PTBP3: variants seen among roughly 807,000 people sequenced by gnomAD.
The protein encoded by PTBP3 is polypyrimidine tract binding protein 3, also known as polypyrimidine tract-binding protein 3.
PTBP3 carries 20 observed loss-of-function variants against 58.7 expected under a neutral mutation model. The observed-to-expected ratio is 0.34, with a 90% CI of 0.24 to 0.50. The LOEUF (loss-of-function observed/expected upper bound fraction) is 0.50. Among genes scored for constraint, PTBP3 ranks in the 20% least tolerant of loss-of-function variants. The pLI, the probability that PTBP3 is intolerant of heterozygous loss-of-function variation, is 0.98. For synonymous variants in PTBP3, 185 were observed against 219.8 expected, an observed-to-expected ratio of 0.84 and a Z score of 1.40; for missense variants, 509 against 637.2, an observed-to-expected ratio of 0.80 and a Z score of 2.17.
intron 1 of PTBP3, among the ~76,000 whole-genome samples, chr9:112,310,821 A>AAG (rs1829443463): frequency 6.6e-6 from 1 of 152,214 alleles, no homozygotes; most frequent in Admixed American, 6.5e-5. Context: ...AGTAAGGAGT[A>AAG]AGCATGTAGA....
chr9:112,282,470 G>A (rs1459595951), intron 2 of PTBP3, among the ~76,000 whole-genome samples: 1 of 151,824 alleles, frequency 6.6e-6, no homozygotes, highest in African/African-American at 2.4e-5. Flanking sequence ...ATTCACTTTA[G>A]ACATTTTTTC....
At chr9:112,246,790 G>C (rs918875719) in intron 7 of PTBP3, among the ~76,000 whole-genome samples, 7 of 151,970 alleles carry the variant, frequency 4.6e-5, no homozygotes, top group Admixed American at 1.3e-4. Context: ...GGGAAGAATA[G>C]TAACATTACA....
chr9:112,318,938 A>G (rs1444898413), intron 1 of PTBP3, among the ~76,000 whole-genome samples: 2 of 151,112 alleles, frequency 1.3e-5, no homozygotes, highest in Non-Finnish European at 1.5e-5. Context: ...GACCAGCCTG[A>G]CCAACATGGA....
chr9:112,221,618 G>C lies in PTBP3; in HGVS notation c.*2233C>G. The C allele has an allele frequency of 6.1e-6, 6 of 985,128 alleles. No individual in the cohort carries two copies. The highest frequency in any genetic ancestry group is 7.2e-6 in the Non-Finnish European group (6 of 829,838). The allele number at this position is 985,128 out of a possible 1,614,324, so 61.0% of individuals were successfully genotyped here. A position where few individuals can be genotyped will look rare whatever the true frequency, so the allele number is the denominator to read the frequency against. On this transcript the variant is annotated 3_prime_UTR_variant, in exon 14 of 14. Coordinates refer to ENST00000374257, the MANE Select transcript of PTBP3 (RefSeq NM_001163788.4). ...TCCTTCATATACCCCTTGTGTCTAG[G>C]TCAAAACTTATTTCATAAGTAAAAA...
intron 7 of PTBP3, among the ~76,000 whole-genome samples, chr9:112,237,462 G>T (rs1835478555): frequency 6.6e-6 from 1 of 152,186 alleles, no homozygotes; most frequent in African/African-American, 2.4e-5. Context: ...TTTAACCCAT[G>T]AAATCAGTTT....
chr9:112,290,776 CAT>C (rs1828384588), intron 2 of PTBP3, among the ~76,000 whole-genome samples: 1 of 148,292 alleles, frequency 6.7e-6, no homozygotes, highest in Non-Finnish European at 1.5e-5. Flanking sequence ...ACTAAACTGA[CAT>C]ATTTCTGGTA....
the PTBP3 span, among the ~76,000 whole-genome samples, chr9:112,349,888 AAG>A: frequency 2.0e-5 from 3 of 149,202 alleles, no homozygotes; most frequent in Non-Finnish European, 4.4e-5. Context: ...AAAAAAAAAA[AAG>A]AATTCAGTTG....
At chr9:112,263,166 G>A (rs1350004297) in intron 4 of PTBP3, among the ~76,000 whole-genome samples, 3 of 152,202 alleles carry the variant, frequency 2.0e-5, no homozygotes, top group Admixed American at 1.3e-4. Context: ...AAACCAGCTT[G>A]AAGGGGCCTG....
chr9:112,349,017 G>C, the PTBP3 span, among the ~76,000 whole-genome samples: 1 of 152,124 alleles, frequency 6.6e-6, no homozygotes, highest in South Asian at 2.1e-4. Flanking sequence ...TCCTGTCACG[G>C]ACTTCCTAAA....
chr9:112,223,827 T>C lies in PTBP3; in HGVS notation c.*24A>G. 1 of 1,613,412 alleles carries C rather than the reference T, an allele frequency of 6.2e-7. No homozygotes were observed. Among genetic ancestry groups the C allele is most frequent in the Non-Finnish European group, 8.5e-7 (1 of 1,179,636 alleles). On this transcript the variant is annotated 3_prime_UTR_variant, in exon 14 of 14. Transcript: ENST00000374257. ...GTTTTACTGAAATTATGGTCCAGTT[T>C]TAGGAGAAAAATTCACAGAAAAGTC...
At chr9:112,266,333 T>G (rs1836798836) in intron 4 of PTBP3, among the ~76,000 whole-genome samples, 1 of 152,238 alleles carries the variant, frequency 6.6e-6, no homozygotes, top group African/African-American at 2.4e-5. Context: ...ATAAGTATTT[T>G]ACAAATTATC....
At chr9:112,244,914 G>C (rs1835817928) in intron 7 of PTBP3, among the ~76,000 whole-genome samples, 1 of 151,864 alleles carries the variant, frequency 6.6e-6, no homozygotes, top group South Asian at 2.1e-4. Context: ...TCTTGAAGAA[G>C]AACAAGATAA....
chr9:112,302,929 T>C (rs755653041), intron 1 of PTBP3, among the ~76,000 whole-genome samples: 4 of 152,208 alleles, frequency 2.6e-5, no homozygotes, highest in Non-Finnish European at 5.9e-5. Flanking sequence ...CATTTCAGTT[T>C]CAATTTGGGG....
At chr9:112,366,811 G>C in the PTBP3 span, among the ~76,000 whole-genome samples, 2 of 152,122 alleles carry the variant, frequency 1.3e-5, no homozygotes, top group Admixed American at 1.3e-4. Flanking sequence ...CAGAATGATA[G>C]ATCCACTGAC....
chr9:112,332,892 A>G (rs898169812), intron 1 of PTBP3: 3 of 1,601,982 alleles, frequency 1.9e-6, no homozygotes, highest in Non-Finnish European at 2.6e-6. Context: ...AACGTATCTC[A>G]CAGCACAAGT....
intron 1 of PTBP3, among the ~76,000 whole-genome samples, chr9:112,313,824 A>T (rs1829587771): frequency 6.6e-6 from 1 of 152,220 alleles, no homozygotes; most frequent in Admixed American, 6.5e-5. Flanking sequence ...TATCTTAAAC[A>T]TAGATAGATT....
Position 112,297,868 on chromosome 9 carries a change from TA to T in PTBP3, c.-4del. The T allele has an allele frequency of 6.2e-7, 1 of 1,608,630 alleles. No homozygotes were observed. Among genetic ancestry groups the T allele is most frequent in the Non-Finnish European group, 8.5e-7 (1 of 1,178,524 alleles). On this transcript the variant is annotated 5_prime_UTR_variant, in exon 2 of 14. Coordinates refer to ENST00000374257, the MANE Select transcript of PTBP3 (RefSeq NM_001163788.4). ...GTAGAAGGAGTAGAACTATTCATGG[TA>T]AAAGGTCCGTTAATGATGCCAGAAG... is the stretch of plus-strand genomic sequence containing the variant.
chr9:112,378,615 T>C, the PTBP3 span, among the ~76,000 whole-genome samples: 1 of 152,220 alleles, frequency 6.6e-6, no homozygotes, highest in African/African-American at 2.4e-5. Context: ...GAGTAAGTTA[T>C]TTTCATCTAA....
intron 7 of PTBP3, among the ~76,000 whole-genome samples, chr9:112,248,333 C>G (rs1835966778): frequency 6.6e-6 from 1 of 151,846 alleles, no homozygotes; most frequent in African/African-American, 2.4e-5. Flanking sequence ...ATTCCTACAA[C>G]TAAGTAAGAA....
Sources: allele counts gnomAD v4.1 joint callset (sites outside exome capture counted in the v4.1 genomes callset), GRCh38; gene constraint gnomAD v4.1.1; transcripts MANE v1.5; gene names NCBI Gene and HGNC (gene_info 2026-07-23, HGNC 2026-07-21).